KDM5C: variants seen among roughly 807,000 people sequenced by gnomAD.
The protein encoded by KDM5C is lysine demethylase 5C.
Under a neutral mutation model 110.6 loss-of-function variants are expected in KDM5C, and 16 were observed. That is an observed-to-expected ratio of 0.14 (90% CI 0.10 to 0.22). The LOEUF (loss-of-function observed/expected upper bound fraction) is 0.22, where lower values mean the gene tolerates loss of function less well. Among genes scored for constraint, KDM5C ranks in the 10% least tolerant of loss-of-function variants. The pLI is 1.00. For missense variants in KDM5C, 681 were observed against 1,300.9 expected (o/e 0.52, Z 7.33); for synonymous variants, 511 against 520.4 (o/e 0.98, Z 0.24).
rs1305895052 is a variant in KDM5C at position 53,224,664 on chromosome X, G to A, written c.150+76C>T. 2.6e-6 allele frequency: 3 copies of A among 1,151,094 alleles called. No individual in the cohort carries two copies. In the South Asian group the frequency reaches 5.5e-5, roughly 21 times the overall value. 94.9% of individuals were successfully genotyped at this position (1,151,094 alleles called of 1,213,427 possible). A position where few individuals can be genotyped will look rare whatever the true frequency, so the allele number is the denominator to read the frequency against. The stretch of plus-strand genomic sequence containing the variant: ...CTCTCCCCACCTCGAGCTGCCCTCC[G>A]CCCCAGACTTCGCCGCTGGCTATCC... On this transcript the variant is annotated intron_variant, in intron 1 of 25. Coordinates refer to ENST00000375401, the MANE Select transcript of KDM5C (RefSeq NM_004187.5).
Position 53,193,859 on chromosome X carries a change from G to C in KDM5C, c.4039-8C>G. The stretch of plus-strand genomic sequence containing the variant: ...CTCCAGTAAGCCCTGGACCTGCGGA[G>C]GAGAGCAAGAATAGGTAGGGGCAAC... On this transcript the variant is annotated splice_polypyrimidine_tract_variant and splice_region_variant and intron_variant, in intron 23 of 25. Transcript: ENST00000375401. 8.3e-7 allele frequency: 1 copy of C among 1,204,770 alleles called. No homozygotes were observed. The highest frequency in any genetic ancestry group is 1.1e-6 in the Non-Finnish European group (1 of 889,412).
At chrX:53,177,566 A>C (rs1556824617) in intron 25 of KDM5C, among the ~76,000 whole-genome samples, 5 of 112,151 alleles carry the variant, frequency 4.5e-5, no homozygotes, top group Non-Finnish European at 9.4e-5. Flanking sequence ...TCACGATTTT[A>C]AAAGGCAAAT....
At chrX:53,206,973 G>A (rs1308783655) in intron 12 of KDM5C, among the ~76,000 whole-genome samples, 20 of 100,330 alleles carry the variant, frequency 2.0e-4, no homozygotes, top group East Asian at 1.3e-3. Flanking sequence ...TCAGGAGTTC[G>A]AGACCAGCCT....
chrX:53,195,527 A>G, intron 20 of KDM5C, 117 bp from the exon 21 acceptor site: 1 of 717,109 alleles, frequency 1.4e-6, no homozygotes, highest in Non-Finnish European at 2.2e-6. Context: ...GATTAAAAAA[A>G]TAGGTGTCAT....
chrX:53,207,397 A>G (rs2073377911), intron 12 of KDM5C, among the ~76,000 whole-genome samples: 1 of 111,281 alleles, frequency 9.0e-6, no homozygotes, highest in Non-Finnish European at 1.9e-5. Context: ...CTTTTGGCAC[A>G]TTTCAGTGAG....
Position 53,193,069 on chromosome X carries a change from T to C in KDM5C, c.4581A>G (p.Glu1527=). Residue 1527 remains glutamate (E), a synonymous_variant, in exon 26 of 26, where the codon GAA becomes GAG. Transcript: ENST00000375401. The part of the protein sequence containing the change: ...PSTQENQNGL[E]PAEGTTSGPS... The stretch of plus-strand genomic sequence containing the variant: ...GGCCTGAAGTGGTCCCTTCCGCCGG[T>C]TCCAAGCCATTCTGGTTCTCCTGGG... The C allele has an allele frequency of 8.3e-7, 1 of 1,207,845 alleles. No individual in the cohort carries two copies. The highest frequency in any genetic ancestry group is 1.1e-6 in the Non-Finnish European group (1 of 893,805).
At position 53,192,873 on chromosome X, in the gene KDM5C, G is replaced by GCCCCCC; in HGVS notation, c.*93_*94insGGGGGG. ...AGCAGGGATGGCCACCCCCCTACCC[G>GCCCCCC]CCCACCCCCCAAGAAGCAGGCTTGA... On this transcript the variant is annotated 3_prime_UTR_variant, in exon 26 of 26. Coordinates refer to ENST00000375401, the MANE Select transcript of KDM5C (RefSeq NM_004187.5). 1 of 230,665 alleles carries GCCCCCC rather than the reference G, an allele frequency of 4.3e-6. No individual in the cohort carries two copies. Among genetic ancestry groups the GCCCCCC allele is most frequent in the Non-Finnish European group, 6.3e-6 (1 of 159,364 alleles). 19.0% of individuals were successfully genotyped at this position (230,665 alleles called of 1,213,427 possible).
downstream of KDM5C, chrX:53,192,013 G>T: frequency 5.8e-6 from 1 of 173,877 alleles, no homozygotes; most frequent in Non-Finnish European, 1.1e-5. Context: ...CTTGCCCAAG[G>T]TTAAGAAGCT....
In KDM5C at chrX:53,211,779, T is replaced by C. The variant is rs1556849049; in HGVS notation, c.1242+8A>G. The C allele has an allele frequency of 1.7e-6, 2 of 1,211,291 alleles. No individual in the cohort carries two copies. Among genetic ancestry groups the C allele is most frequent in the South Asian group, 1.8e-5 (1 of 56,947 alleles). Reference sequence around the variant, plus strand: ...AGCCCAACACTACCTCAGCCCTCCATCACCTACATGCACGGGCATGTTGAA... The same window carrying C: ...AGCCCAACACTACCTCAGCCCTCCACCACCTACATGCACGGGCATGTTGAA... On this transcript the variant is annotated splice_region_variant and intron_variant, in intron 9 of 25. Coordinates refer to ENST00000375401, the MANE Select transcript of KDM5C (RefSeq NM_004187.5).
In KDM5C at chrX:53,224,939, A is replaced by G. The variant is rs2073999147; in HGVS notation, c.-50T>C. The G allele has an allele frequency of 8.7e-7, 1 of 1,149,001 alleles. No homozygotes were observed. The highest frequency in any genetic ancestry group is 2.5e-5 in the Admixed American group (1 of 39,734). The allele number at this position is 1,149,001 out of a possible 1,213,427, so 94.7% of individuals were successfully genotyped here. On this transcript the variant is annotated 5_prime_UTR_variant, in exon 1 of 26. Coordinates refer to ENST00000375401, the MANE Select transcript of KDM5C (RefSeq NM_004187.5). Reference sequence around the variant, plus strand: ...GATCGGGAGGCTTGGACCGCCCTTAAGGACTCATGGCGCCGCCGCTGTTTG... The same window carrying G: ...GATCGGGAGGCTTGGACCGCCCTTAGGGACTCATGGCGCCGCCGCTGTTTG...
chrX:53,220,030 T>G (rs1297588740), intron 2 of KDM5C, among the ~76,000 whole-genome samples: 1 of 112,479 alleles, frequency 8.9e-6, no homozygotes, highest in Admixed American at 9.4e-5. Flanking sequence ...AACTCTGGTC[T>G]AGAACACAAG....
chrX:53,194,384 G>A lies in KDM5C; in HGVS notation c.3793C>T (p.Leu1265=). The part of the protein sequence containing the change: ...LETILALLVA[L]QRLPVRLPEG... ...GGCAGCCGCACAGGCAGTCTCTGCA[G>A]GGCTACCAGCAGTGCCAGGATGGTC... Residue 1265 remains leucine, a synonymous_variant, in exon 23 of 26, where the codon CTG becomes TTG. Coordinates refer to ENST00000375401, the MANE Select transcript of KDM5C (RefSeq NM_004187.5). 1 of 1,212,079 alleles carries A rather than the reference G, an allele frequency of 8.3e-7. No individual in the cohort carries two copies. The highest frequency in any genetic ancestry group is 1.1e-6 in the Non-Finnish European group (1 of 895,403).
rs1602162404 is a variant in KDM5C, at chrX:53,194,660, T to A, written c.3517A>T (p.Ser1173Cys). 1 of 1,212,007 alleles carries A rather than the reference T, an allele frequency of 8.3e-7. No homozygotes were observed. Among genetic ancestry groups the A allele is most frequent in the Non-Finnish European group, 1.1e-6 (1 of 895,489 alleles). ...GCCGTGCTCGATGATGCCAGTGGAC[T>A]GGGCTTGGCCGAATTGGTGCGACGC... ...QLRRTNSAKPSPLASSSTASS... is the reference protein window; with the variant it reads ...QLRRTNSAKPCPLASSSTASS... The change falls in exon 23 of 26, where the codon AGT becomes TGT. Residue 1173 changes from serine to cysteine, a missense_variant. Ser to Cys is a moderately radical substitution (Grantham distance 112). Coordinates refer to ENST00000375401, the MANE Select transcript of KDM5C (RefSeq NM_004187.5).
At chrX:53,207,602 T>G (rs111907016) in intron 12 of KDM5C, among the ~76,000 whole-genome samples, 1 of 111,676 alleles carries the variant, frequency 9.0e-6, no homozygotes, top group Non-Finnish European at 1.9e-5. Context: ...GTGGAGAGAA[T>G]AGGGGCGAAC....
rs782509708 is a variant in KDM5C, at chrX:53,180,258, G to T, written c.4309-3636C>A. Among the ~76,000 whole-genome samples, 4 of 111,516 alleles carry T rather than the reference G, an allele frequency of 3.6e-5. No homozygotes were observed. In the South Asian group the frequency reaches 1.5e-3, roughly 42 times the overall value. On this transcript the variant is annotated intron_variant, in intron 25 of 25. Transcript: ENST00000685641. ...TATGGAGACAGTAAAAAAAATCAGA[G>T]GTTGCTAGGAGTTATGGGAGGGAAG... is the stretch of plus-strand genomic sequence containing the variant.
rs1399120908 is a variant in KDM5C at position 53,221,251 on chromosome X, T to C, written c.151-335A>G. On this transcript the variant is annotated intron_variant, in intron 1 of 25. Coordinates refer to ENST00000375401, the MANE Select transcript of KDM5C (RefSeq NM_004187.5). ...ACCCTAAACCTTCTCCACACCCACA[T>C]TAATTCCTTATCCCCTAGGCACGTG... Among the ~76,000 whole-genome samples the C allele has an allele frequency of 3.6e-5, 4 of 110,572 alleles. No individual in the cohort carries two copies. In the Admixed American group the frequency reaches 3.8e-4, roughly 11 times the overall value.
Position 53,217,857 on chromosome X carries a change from C to T in KDM5C, c.461G>A (p.Arg154His), listed in dbSNP as rs1556852808. The part of the protein sequence containing the change: ...PPGKNIGSLL[R>H]SHYERIVYPY... ...ATAAACAATGCGTTCGTAGTGGGAG[C>T]GTAGCAAGGAGCCAATATTTTTGCC... The change falls in exon 4 of 26, where the codon CGC becomes CAC. Residue 154 changes from arginine (R) to histidine (H), a missense_variant. Around this residue, in one of 14 missense-constraint regions of KDM5C, gnomAD observed 55 missense variants for 118.0 expected, o/e 0.47. Transcript: ENST00000375401. 8.3e-7 allele frequency: 1 copy of T among 1,211,425 alleles called. No homozygotes were observed.
chrX:53,213,959 C>CTT (rs1348487424), intron 8 of KDM5C, among the ~76,000 whole-genome samples: 3 of 104,656 alleles, frequency 2.9e-5, no homozygotes, highest in Admixed American at 2.0e-4. Context: ...TCCAAAATGT[C>CTT]TTTTTTTTTT....
chrX:53,217,662 G>A, intron 4 of KDM5C, 134 bp downstream of exon 4: 1 of 679,877 alleles, frequency 1.5e-6, no homozygotes, highest in Non-Finnish European at 2.3e-6. Context: ...TGTAGAAAGA[G>A]AATAAGCATC....
Sources: gnomAD v4.1 joint callset for allele counts (sites outside exome capture counted in the v4.1 genomes callset) on GRCh38, gnomAD v4.1.1 for gene constraint, gnomAD v4.1.1 regional missense constraint, MANE v1.5 for transcripts, NCBI Gene and HGNC (gene_info 2026-07-23, HGNC 2026-07-21) for gene names.